Variants in GSE1 observed in about 807,000 individuals in gnomAD.
GSE1 encodes Gse1 coiled-coil protein, also known as genetic suppressor element 1.
GSE1 carries 32 observed loss-of-function variants against 112.6 expected under a neutral mutation model. That is an observed-to-expected ratio of 0.28 (90% CI 0.21 to 0.38). GSE1 has a LOEUF of 0.38. Ranked by LOEUF, GSE1 falls within the 10% of genes least tolerant of loss-of-function variation. The pLI, the probability that GSE1 is intolerant of heterozygous loss-of-function variation, is 1.00. For synonymous variants in GSE1, 1,115 were observed against 735.6 expected (o/e 1.52, Z -8.35); for missense variants, 2,348 against 1,699.2 (o/e 1.38, Z -6.71).
At chr16:85,315,812 G>T (rs542201152) in intron 1 of GSE1, among the ~76,000 whole-genome samples, 5 of 152,244 alleles carry the variant, frequency 3.3e-5, no homozygotes, top group Non-Finnish European at 7.3e-5. Context: ...CTTATTTGTT[G>T]TATTTGGCAA....
chr16:85,192,921 T>C (rs139812797), intron 1 of GSE1, among the ~76,000 whole-genome samples: 2 of 152,312 alleles, frequency 1.3e-5, no homozygotes, highest in African/African-American at 2.4e-5. Context: ...TGACCCCTGT[T>C]CTTGGTTCTG....
chr16:85,196,148 G>C (rs146835158), intron 1 of GSE1, among the ~76,000 whole-genome samples: 1 of 152,208 alleles, frequency 6.6e-6, no homozygotes, highest in African/African-American at 2.4e-5. Flanking sequence ...TAAGAAAAAC[G>C]TATGGTTTCC....
intron 2 of GSE1, among the ~76,000 whole-genome samples, chr16:85,485,677 C>G (rs1410947143): frequency 3.9e-5 from 6 of 152,254 alleles, no homozygotes; most frequent in Non-Finnish European, 5.9e-5. Flanking sequence ...CAGCTTGTCA[C>G]TCGCGAGGTG....
intron 1 of GSE1, among the ~76,000 whole-genome samples, chr16:85,234,163 C>G (rs1349328250): frequency 1.3e-5 from 2 of 152,138 alleles, no homozygotes; most frequent in African/African-American, 4.8e-5. Context: ...TGGTGCAGGC[C>G]AGGAAGGTAT....
upstream of GSE1, among the ~76,000 whole-genome samples, chr16:85,611,031 G>T (rs2047948196): frequency 2.0e-5 from 3 of 152,368 alleles, no homozygotes; most frequent in South Asian, 6.2e-4. Context: ...CCTGGCCCAA[G>T]GGCCTCTCCA....
At chr16:85,462,100 C>CT (rs1448235233) in intron 2 of GSE1, among the ~76,000 whole-genome samples, 1 of 152,084 alleles carries the variant, frequency 6.6e-6, no homozygotes, top group African/African-American at 2.4e-5. Context: ...AGGCTGTGCT[C>CT]TGCAGGGCTG....
At chr16:85,416,464 G>T (rs373037362) in intron 2 of GSE1, among the ~76,000 whole-genome samples, 1 of 152,128 alleles carries the variant, frequency 6.6e-6, no homozygotes, top group Non-Finnish European at 1.5e-5. Flanking sequence ...GGAGTCCACC[G>T]GGCGGTGCTT....
At chr16:85,423,323 G>A (rs1305719057) in intron 2 of GSE1, among the ~76,000 whole-genome samples, 1 of 152,212 alleles carries the variant, frequency 6.6e-6, no homozygotes, top group Non-Finnish European at 1.5e-5. Context: ...ATGTCCAATG[G>A]CCTCACCCAT....
intron 2 of GSE1, among the ~76,000 whole-genome samples, chr16:85,416,930 C>G (rs188508999): frequency 1.7e-3 from 254 of 152,312 alleles, no homozygotes; most frequent in African/African-American, 5.9e-3. Flanking sequence ...ATCATGGTCG[C>G]TGCAGCCTCA....
At chr16:85,602,059 C>G (rs983030664) in intron 1 of GSE1, among the ~76,000 whole-genome samples, 1 of 152,138 alleles carries the variant, frequency 6.6e-6, no homozygotes, top group Non-Finnish European at 1.5e-5. Flanking sequence ...AGAAGCTCCT[C>G]CGTGGTTCAG....
chr16:85,419,552 G>A lies in GSE1; in HGVS notation c.2464+61909G>A, dbSNP rs1253948825. 6.6e-6 allele frequency among the ~76,000 whole-genome samples: 1 copy of A among 151,622 alleles called. No individual in the cohort carries two copies. Among genetic ancestry groups the A allele is most frequent in the Non-Finnish European group, 1.5e-5 (1 of 67,974 alleles). On this transcript the variant is annotated intron_variant, in intron 2 of 2. Coordinates refer to the GSE1 transcript ENST00000637419. The surrounding 1 kb of genome is among the most constrained non-coding windows in gnomAD (Gnocchi z 6.5). The stretch of plus-strand genomic sequence containing the variant: ...CCCTGGGAAATCGAGGCTGCAGTGA[G>A]CCATGACTGCATCACTGTACTCCAG...
chr16:85,287,956 T>C (rs1352553679), intron 1 of GSE1, among the ~76,000 whole-genome samples: 5 of 152,140 alleles, frequency 3.3e-5, no homozygotes, highest in South Asian at 2.1e-4. Context: ...ATAAGCGCTA[T>C]TGGCCGGGCA....
intron 1 of GSE1, among the ~76,000 whole-genome samples, chr16:85,215,232 T>C (rs1458007447): frequency 1.3e-5 from 2 of 152,252 alleles, no homozygotes; most frequent in South Asian, 2.1e-4. Flanking sequence ...AAGCCTCACT[T>C]GTGTCATCTT....
intron 1 of GSE1, among the ~76,000 whole-genome samples, chr16:85,344,127 C>T (rs2151545613): frequency 6.6e-6 from 1 of 152,300 alleles, no homozygotes; most frequent in East Asian, 1.9e-4. Context: ...TGCGGATCTG[C>T]AATCCAAATC....
At chr16:85,550,854 A>T (rs1225236453) in intron 2 of GSE1, among the ~76,000 whole-genome samples, 1 of 152,146 alleles carries the variant, frequency 6.6e-6, no homozygotes, top group Non-Finnish European at 1.5e-5. Context: ...CAGATTGGGG[A>T]TCCGGCGGGC....
chr16:85,567,224 G>T (rs1598210630), intron 1 of GSE1, among the ~76,000 whole-genome samples: 1 of 152,206 alleles, frequency 6.6e-6, no homozygotes, highest in East Asian at 1.9e-4. Context: ...CTGGTGGGTG[G>T]GTCTGCAGGG....
At chr16:85,375,817 C>T (rs930256213) in intron 2 of GSE1, among the ~76,000 whole-genome samples, 3 of 152,250 alleles carry the variant, frequency 2.0e-5, no homozygotes, top group Non-Finnish European at 4.4e-5. Context: ...CTCTCCCCTT[C>T]ACCAAGTGAG....
chr16:85,283,307 GC>G (rs1306960351), intron 1 of GSE1: 1 of 152,752 alleles, frequency 6.5e-6, no homozygotes, highest in Non-Finnish European at 1.5e-5. Flanking sequence ...GACTGAAAAC[GC>G]CCCACGGGGC....
chr16:85,223,418 GAGGCTGAGACAGGA>G (rs1567620419), intron 1 of GSE1, among the ~76,000 whole-genome samples: 2 of 147,902 alleles, frequency 1.4e-5, no homozygotes, highest in African/African-American at 5.0e-5. Context: ...AGCTAATCGG[GAGGCTGAGACAGGA>G]GAATAGCTTG....
Sources: allele counts gnomAD v4.1 joint callset (sites outside exome capture counted in the v4.1 genomes callset), GRCh38; gene constraint gnomAD v4.1.1; non-coding constraint Gnocchi (gnomAD v3.1); transcripts MANE v1.5; gene names NCBI Gene and HGNC (gene_info 2026-07-23, HGNC 2026-07-21).